Variants in LRP8 observed in about 807,000 individuals in gnomAD.
LRP8 encodes the protein LDL receptor related protein 8, also known as low-density lipoprotein receptor-related protein 8.
A neutral mutation model predicts 111.6 loss-of-function variants in LRP8; 46 were observed. That is an observed-to-expected ratio of 0.41 (90% CI 0.33 to 0.53). The LOEUF is 0.53. Ranked by LOEUF, LRP8 falls within the 20% of genes least tolerant of loss-of-function variation. LRP8 has a pLI of 0.20. For synonymous variants in LRP8, 464 were observed against 511.2 expected (o/e 0.91, Z 1.24); for missense variants, 959 against 1,297.4 (o/e 0.74, Z 4.01).
At chr1:53,326,647 G>T (rs1655166384) in intron 2 of LRP8, among the ~76,000 whole-genome samples, 1 of 152,156 alleles carries the variant, frequency 6.6e-6, no homozygotes, top group South Asian at 2.1e-4. Context: ...CCGGGGCTCC[G>T]CCCCGGCCCC....
chr1:53,305,927 C>T (rs902560564), intron 2 of LRP8: 1 of 152,346 alleles, frequency 6.6e-6, no homozygotes, highest in African/African-American at 2.4e-5. Context: ...CAAGCATGAG[C>T]TCTTATGAGG....
At chr1:53,297,196 G>T (rs998678108) in intron 2 of LRP8, among the ~76,000 whole-genome samples, 4 of 152,184 alleles carry the variant, frequency 2.6e-5, no homozygotes, top group Non-Finnish European at 5.9e-5. Flanking sequence ...GGGACCTACG[G>T]TTCTAAGGCT....
intron 16 of LRP8, among the ~76,000 whole-genome samples, chr1:53,253,196 G>C (rs1572425608): frequency 1.3e-5 from 2 of 152,268 alleles, no homozygotes; most frequent in Non-Finnish European, 2.9e-5. Flanking sequence ...TAATAAGTTA[G>C]AGTGAGGCTG....
In LRP8 at chr1:53,327,800, A is replaced by G. The variant is rs1417435235; in HGVS notation, c.113T>C (p.Leu38Pro). ...CCGGCTGCACGCACCTTGGCCGCCG[A>G]GCAGCGGATCAGCCGCTGCCGCCGC... is the stretch of plus-strand genomic sequence containing the variant. ...HLAAAAADPLLGGQGPAKDCE... is the reference protein window; with the variant it reads ...HLAAAAADPLPGGQGPAKDCE... The change falls in exon 1 of 19, where the codon CTC (leucine) becomes CCC (proline). Residue 38 changes from leucine to proline, a missense_variant. Transcript: ENST00000306052. 1 of 1,512,424 alleles carries G rather than the reference A, an allele frequency of 6.6e-7. No homozygotes were observed. The highest frequency in any genetic ancestry group is 1.4e-5 in the African/African-American group (1 of 70,348). 93.7% of individuals were successfully genotyped at this position (1,512,424 alleles called of 1,614,324 possible). A position where few individuals can be genotyped will look rare whatever the true frequency, so the allele number is the denominator to read the frequency against.
At chr1:53,281,541 G>T (rs907015107) in intron 3 of LRP8, among the ~76,000 whole-genome samples, 1 of 152,216 alleles carries the variant, frequency 6.6e-6, no homozygotes, top group South Asian at 2.1e-4. Flanking sequence ...TCTAGGATGT[G>T]CCAGGCATGG....
intron 2 of LRP8, among the ~76,000 whole-genome samples, chr1:53,314,265 C>T (rs1483842041): frequency 2.0e-5 from 3 of 149,308 alleles, no homozygotes; most frequent in Admixed American, 1.3e-4. Context: ...CCTCCAGGCA[C>T]GGCATTTCTG....
intron 2 of LRP8, among the ~76,000 whole-genome samples, chr1:53,300,947 T>C (rs996761444): frequency 3.9e-5 from 6 of 152,044 alleles, no homozygotes; most frequent in African/African-American, 1.4e-4. Flanking sequence ...CAGGTTTTCA[T>C]GTGTACCATT....
rs1645660731 is a variant in LRP8, at chr1:53,242,523, A to C, written c.*4495T>G. 6.6e-6 allele frequency: 1 copy of C among 152,186 alleles called. No individual in the cohort carries two copies. 9.4% of individuals were successfully genotyped at this position (152,186 alleles called of 1,614,324 possible). ...CCTCTGGAAGAGACACCAGACTGCA[A>C]AGGGCACCGCGTACAGAAGCTAACG... On this transcript the variant is annotated 3_prime_UTR_variant, in exon 19 of 19. Transcript: ENST00000306052.
At position 53,255,405 on chromosome 1, in the gene LRP8, C is replaced by T. The variant is rs550489504; in HGVS notation, c.2435-220G>A. The stretch of plus-strand genomic sequence containing the variant: ...CATTTTACAGGCAAGGAAACTGAGT[C>T]TTAACTGAGGGGTTTCAGAAAAGTG... On this transcript the variant is annotated intron_variant, in intron 15 of 18. Coordinates refer to ENST00000306052, the MANE Select transcript of LRP8 (RefSeq NM_004631.5). 2.0e-4 allele frequency among the ~76,000 whole-genome samples: 31 copies of T among 152,272 alleles called. No individual in the cohort carries two copies. The Middle Eastern group carries it at 0.01, about 50-fold the overall frequency.
chr1:53,312,898 A>T (rs1414395640), intron 2 of LRP8, among the ~76,000 whole-genome samples: 1 of 152,204 alleles, frequency 6.6e-6, no homozygotes, highest in Non-Finnish European at 1.5e-5. Flanking sequence ...TGGCAAGCAC[A>T]TGGCAATGCT....
At chr1:53,289,469 T>C in intron 3 of LRP8, 98 bp downstream of exon 3, 1 of 1,471,436 alleles carries the variant, frequency 6.8e-7, no homozygotes, top group Non-Finnish European at 9.1e-7. Flanking sequence ...GCACAGAATG[T>C]TCAACTGGTT....
Position 53,270,029 on chromosome 1 carries a change from G to GT in LRP8, c.1252+998dup, listed in dbSNP as rs1646712583. On this transcript the variant is annotated intron_variant, in intron 8 of 18. Transcript: ENST00000306052. ...GTCTCTGTGTGGTTCATATTCTGTT[G>GT]TATGAGTGTCATCTCTGTGGGCTAT... 2.0e-5 allele frequency among the ~76,000 whole-genome samples: 3 copies of GT among 151,384 alleles called. No homozygotes were observed. The South Asian group carries it at 6.3e-4, about 32-fold the overall frequency.
chr1:53,309,205 G>A (rs1035903401), intron 2 of LRP8, among the ~76,000 whole-genome samples: 1 of 152,190 alleles, frequency 6.6e-6, no homozygotes, highest in African/African-American at 2.4e-5. Flanking sequence ...AACTCAGGAG[G>A]CGGAGGTTGC....
rs753019036 is a variant in LRP8, at chr1:53,280,559, G to T, written c.496+28C>A. The T allele has an allele frequency of 6.8e-6, 11 of 1,607,144 alleles. No individual in the cohort carries two copies. The South Asian group carries it at 1.1e-4, about 16-fold the overall frequency. On this transcript the variant is annotated intron_variant, in intron 4 of 18. Transcript: ENST00000306052. ...TGAGGCTGCCTGACCATGCTTGGCA[G>T]ACCCTGGAGATCTGACCCCAGACTC...
intron 2 of LRP8, among the ~76,000 whole-genome samples, chr1:53,324,346 T>A (rs776003534): frequency 2.0e-5 from 3 of 152,194 alleles, no homozygotes; most frequent in Non-Finnish European, 4.4e-5. Context: ...CACAGCCACG[T>A]AAGCCCCACT....
chr1:53,309,969 G>A (rs1344873961), intron 2 of LRP8, among the ~76,000 whole-genome samples: 1 of 152,034 alleles, frequency 6.6e-6, no homozygotes, highest in Admixed American at 6.5e-5. Context: ...ACCAGAGATG[G>A]GAGTCCCCAC....
At chr1:53,270,984 G>A (rs1445785764) in intron 8 of LRP8, 44 bp downstream of exon 8, 1 of 1,613,798 alleles carries the variant, frequency 6.2e-7, no homozygotes, top group Non-Finnish European at 8.5e-7. Context: ...GCTGCTTCCT[G>A]TATGCCTTTC....
At chr1:53,259,834 T>G (rs1460295127) in intron 13 of LRP8, among the ~76,000 whole-genome samples, 1 of 152,200 alleles carries the variant, frequency 6.6e-6, no homozygotes, top group African/African-American at 2.4e-5. Context: ...ACTATGTCTC[T>G]CATTTAAATT....
chr1:53,302,564 T>C (rs1651131382), intron 2 of LRP8, among the ~76,000 whole-genome samples: 1 of 152,146 alleles, frequency 6.6e-6, no homozygotes, highest in Non-Finnish European at 1.5e-5. Context: ...AGGGTTTTTG[T>C]TCCTCAGTTT....
Sources: allele counts gnomAD v4.1 joint callset (sites outside exome capture counted in the v4.1 genomes callset), GRCh38; gene constraint gnomAD v4.1.1; transcripts MANE v1.5; gene names NCBI Gene and HGNC (gene_info 2026-07-23, HGNC 2026-07-21).